TMEM132D: variants seen among roughly 807,000 people sequenced by gnomAD.
The protein encoded by TMEM132D is mature OL transmembrane protein.
Under a neutral mutation model 62.3 loss-of-function variants are expected in TMEM132D, and 21 were observed. That is an observed-to-expected ratio of 0.34 (90% CI 0.24 to 0.49). The LOEUF (loss-of-function observed/expected upper bound fraction) is 0.49. Among genes scored for constraint, TMEM132D ranks in the 20% least tolerant of loss-of-function variants. The probability of loss-of-function intolerance (pLI) is 0.99; values close to 1 mark genes in which losing one functional copy is unlikely to be tolerated. For missense variants in TMEM132D, 1,346 were observed against 1,402.8 expected, an observed-to-expected ratio of 0.96 and a Z score of 0.65; for synonymous variants, 621 against 575.6, an observed-to-expected ratio of 1.08 and a Z score of -1.13.
At chr12:129,160,674 G>T (rs1186574814) in intron 5 of TMEM132D, among the ~76,000 whole-genome samples, 2 of 152,296 alleles carry the variant, frequency 1.3e-5, no homozygotes, top group East Asian at 3.9e-4. Context: ...TAAGTTTTCT[G>T]ACCTTACAAA....
intron 3 of TMEM132D, among the ~76,000 whole-genome samples, chr12:129,387,629 T>A (rs1871148335): frequency 6.6e-6 from 1 of 151,760 alleles, no homozygotes; most frequent in Non-Finnish European, 1.5e-5. Context: ...CCACTAACAA[T>A]AATACTAACG....
chr12:129,764,606 GTGTGTT>G (rs1271163987), intron 1 of TMEM132D, among the ~76,000 whole-genome samples: 2 of 152,106 alleles, frequency 1.3e-5, no homozygotes, highest in South Asian at 2.1e-4. Context: ...GTGTGTGTGT[GTGTGTT>G]TATGTGATTA....
Position 129,721,510 on chromosome 12 carries a change from G to A in TMEM132D, c.80-20812C>T, listed in dbSNP as rs74526087. 5.3e-5 allele frequency among the ~76,000 whole-genome samples: 8 copies of A among 152,252 alleles called. No individual in the cohort carries two copies. In the East Asian group the frequency reaches 1.2e-3, roughly 22 times the overall value. On this transcript the variant is annotated intron_variant, in intron 1 of 8. Coordinates refer to ENST00000422113, the MANE Select transcript of TMEM132D (RefSeq NM_133448.3). Reference sequence around the variant, plus strand: ...TAGAAGGTCCTTGAAACTAGCTCCCGGGGTCACCTGGGAGGGGCCAGTGGG... The same window carrying A: ...TAGAAGGTCCTTGAAACTAGCTCCCAGGGTCACCTGGGAGGGGCCAGTGGG...
chr12:129,201,227 C>A (rs1217922283), intron 5 of TMEM132D, among the ~76,000 whole-genome samples: 1 of 152,132 alleles, frequency 6.6e-6, no homozygotes, highest in Non-Finnish European at 1.5e-5. Flanking sequence ...AAACAAAAAC[C>A]TCAGCAAATT....
intron 3 of TMEM132D, among the ~76,000 whole-genome samples, chr12:129,360,739 G>C (rs1220159756): frequency 6.6e-6 from 1 of 152,200 alleles, no homozygotes; most frequent in Non-Finnish European, 1.5e-5. Context: ...CTGTCAGGAA[G>C]TCCGTCCAAA....
intron 4 of TMEM132D, among the ~76,000 whole-genome samples, chr12:129,216,388 T>C (rs1234714626): frequency 6.6e-6 from 1 of 152,176 alleles, no homozygotes; most frequent in Non-Finnish European, 1.5e-5. Context: ...AGTTGAGACA[T>C]GGTCTTAATG....
chr12:129,182,585 C>CTG (rs1446365483), intron 5 of TMEM132D, among the ~76,000 whole-genome samples: 1 of 152,312 alleles, frequency 6.6e-6, no homozygotes, highest in East Asian at 1.9e-4. Context: ...GTTGTGTTTT[C>CTG]TGTGAAGGCC....
chr12:129,287,230 C>A (rs887563513), intron 4 of TMEM132D, among the ~76,000 whole-genome samples: 1 of 151,966 alleles, frequency 6.6e-6, no homozygotes, highest in African/African-American at 2.4e-5. Context: ...CGGGATACTT[C>A]GAGGAAGAAA....
At chr12:129,704,365 A>C (rs565363875) in intron 1 of TMEM132D, among the ~76,000 whole-genome samples, 44 of 152,334 alleles carry the variant, frequency 2.9e-4, no homozygotes, top group African/African-American at 1.0e-3. Context: ...CAATATTCCC[A>C]ATGCTGGGAG....
In TMEM132D at chr12:129,652,756, A is replaced by T. The variant is rs1035708767; in HGVS notation, c.968+47054T>A. Among the ~76,000 whole-genome samples the T allele has an allele frequency of 4.6e-5, 7 of 152,242 alleles. No homozygotes were observed. The East Asian group carries it at 1.3e-3, about 29-fold the overall frequency. On this transcript the variant is annotated intron_variant, in intron 2 of 8. Coordinates refer to ENST00000422113, the MANE Select transcript of TMEM132D (RefSeq NM_133448.3). ...CACTTCTGATCCACAGAACTGTAAG[A>T]CAACACGTTTGTGCTGCTTTCAGCC...
chr12:129,184,936 A>T (rs2135552996), intron 5 of TMEM132D, among the ~76,000 whole-genome samples: 1 of 152,344 alleles, frequency 6.6e-6, no homozygotes, highest in Non-Finnish European at 1.5e-5. Context: ...CAGCTGCCCC[A>T]GAGCTGAGTC....
At chr12:129,776,971 A>T (rs1348413716) in intron 1 of TMEM132D, among the ~76,000 whole-genome samples, 2 of 152,304 alleles carry the variant, frequency 1.3e-5, no homozygotes, top group East Asian at 3.9e-4. Context: ...CAAGGCTCTG[A>T]GATGTGTTCT....
At chr12:129,800,566 C>T (rs1871735601) in intron 1 of TMEM132D, among the ~76,000 whole-genome samples, 1 of 152,120 alleles carries the variant, frequency 6.6e-6, no homozygotes, top group South Asian at 2.1e-4. Context: ...GCCATAGAAT[C>T]CTATAATAGG....
chr12:129,324,130 A>G (rs922537787), intron 4 of TMEM132D, among the ~76,000 whole-genome samples: 1 of 152,152 alleles, frequency 6.6e-6, no homozygotes, highest in African/African-American at 2.4e-5. Flanking sequence ...ATTTACAGGA[A>G]GCTGATCTTA....
At chr12:129,256,120 C>T (rs992297748) in intron 4 of TMEM132D, among the ~76,000 whole-genome samples, 20 of 152,202 alleles carry the variant, frequency 1.3e-4, no homozygotes, top group African/African-American at 4.6e-4. Context: ...CACTCTGTCC[C>T]CCAGACTGGA....
chr12:129,878,110 T>C (rs1350583071), intron 1 of TMEM132D, among the ~76,000 whole-genome samples: 2 of 152,196 alleles, frequency 1.3e-5, no homozygotes, highest in African/African-American at 4.8e-5. Flanking sequence ...ATTTAAACAA[T>C]AAATGGCTCA....
At chr12:129,749,290 C>T (rs981194954) in intron 1 of TMEM132D, among the ~76,000 whole-genome samples, 2 of 152,178 alleles carry the variant, frequency 1.3e-5, no homozygotes, top group African/African-American at 2.4e-5. Flanking sequence ...AGAGCCTCCT[C>T]GCTGAACTAC....
chr12:129,569,925 T>C (rs1877465269), intron 2 of TMEM132D, among the ~76,000 whole-genome samples: 2 of 152,172 alleles, frequency 1.3e-5, no homozygotes, highest in South Asian at 4.1e-4. Flanking sequence ...GTATCCTACT[T>C]CAACTCTAAG....
chr12:129,121,703 T>G (rs966259974), intron 5 of TMEM132D, among the ~76,000 whole-genome samples: 5 of 152,040 alleles, frequency 3.3e-5, no homozygotes, highest in Non-Finnish European at 7.4e-5. Flanking sequence ...AGTACTACAC[T>G]ACACCCCGGC....
Sources: allele counts gnomAD v4.1 joint callset (sites outside exome capture counted in the v4.1 genomes callset), GRCh38; gene constraint gnomAD v4.1.1; transcripts MANE v1.5; gene names NCBI Gene and HGNC (gene_info 2026-07-23, HGNC 2026-07-21).